RCL1: variants seen among roughly 807,000 people sequenced by gnomAD.
The protein encoded by RCL1 is RNA 3'-terminal phosphate cyclase-like protein.
A neutral mutation model predicts 42.4 loss-of-function variants in RCL1; 24 were observed. The ratio of observed to expected loss-of-function variants is 0.57; its 90% confidence interval spans 0.41 to 0.80. The LOEUF is 0.80. Ranked by LOEUF, RCL1 falls within the 30% of genes least tolerant of loss-of-function variation. RCL1 has a pLI of 0.00. For synonymous variants in RCL1, 228 were observed against 177.3 expected (o/e 1.29, Z -2.27); for missense variants, 578 against 467.9 (o/e 1.24, Z -2.17).
intron 8 of RCL1, among the ~76,000 whole-genome samples, chr9:4,853,324 CTTT>C (rs33973400): frequency 5.2e-5 from 7 of 135,002 alleles, no homozygotes; most frequent in Admixed American, 1.5e-4. Context: ...CCACTGTGCT[CTTT>C]TTTTTTTTTT....
At chr9:4,816,412 T>C (rs1193655543) in intron 1 of RCL1, among the ~76,000 whole-genome samples, 1 of 152,222 alleles carries the variant, frequency 6.6e-6, no homozygotes, top group African/African-American at 2.4e-5. Context: ...TGTTTTAAAA[T>C]ATAAACTCTG....
intron 1 of RCL1, among the ~76,000 whole-genome samples, chr9:4,816,319 C>G: frequency 6.6e-6 from 1 of 152,274 alleles, no homozygotes; most frequent in South Asian, 2.1e-4. Flanking sequence ...ATAAACAATA[C>G]TTCATAGTTT....
chr9:4,805,584 G>A (rs1323900568), intron 1 of RCL1, among the ~76,000 whole-genome samples: 1 of 152,206 alleles, frequency 6.6e-6, no homozygotes, highest in Non-Finnish European at 1.5e-5. Context: ...AGTAGGTCAA[G>A]TGGCCAGCCT....
chr9:4,801,506 A>G (rs931092306), intron 1 of RCL1, among the ~76,000 whole-genome samples: 1 of 152,134 alleles, frequency 6.6e-6, no homozygotes, highest in African/African-American at 2.4e-5. Flanking sequence ...AGACTACTTT[A>G]TATATGCTAG....
chr9:4,842,930 A>G (rs1462743380), intron 6 of RCL1, among the ~76,000 whole-genome samples: 1 of 152,186 alleles, frequency 6.6e-6, no homozygotes, highest in Non-Finnish European at 1.5e-5. Flanking sequence ...ACCAGCTTAT[A>G]GTGTGGCTTT....
intron 1 of RCL1, among the ~76,000 whole-genome samples, chr9:4,794,337 C>T (rs1170248091): frequency 6.6e-6 from 1 of 152,144 alleles, no homozygotes; most frequent in East Asian, 1.9e-4. Context: ...CAGAATATCC[C>T]AGGTACAGTG....
intron 7 of RCL1, 107 bp downstream of exon 7, chr9:4,844,788 G>A (rs1377973734): frequency 2.6e-6 from 3 of 1,134,212 alleles, no homozygotes; most frequent in East Asian, 4.8e-5. Context: ...AAGCCAAGGA[G>A]ATAATCTGTT....
At position 4,844,387 on chromosome 9, in the gene RCL1, A is replaced by G. The variant is rs560376336; in HGVS notation, c.711-138A>G. The G allele has an allele frequency of 9.9e-6, 6 of 607,458 alleles. No individual in the cohort carries two copies. In the East Asian group the frequency reaches 1.2e-4, roughly 12 times the overall value. The allele number at this position is 607,458 out of a possible 1,614,324, so 37.6% of individuals were successfully genotyped here. Reference sequence around the variant, plus strand: ...CAGCTAGTAAACTAGTAGCAACTCTATGAGGTTAATGCAGCCAGAAAGAAG... The same window carrying G: ...CAGCTAGTAAACTAGTAGCAACTCTGTGAGGTTAATGCAGCCAGAAAGAAG... On this transcript the variant is annotated intron_variant, in intron 6 of 8. Transcript: ENST00000381750.
At chr9:4,857,770 A>G (rs1056228873) in intron 8 of RCL1, among the ~76,000 whole-genome samples, 1 of 151,988 alleles carries the variant, frequency 6.6e-6, no homozygotes, top group African/African-American at 2.4e-5. Flanking sequence ...CCTCACCCAC[A>G]CTTTTGTTAT....
At chr9:4,823,350 T>TACC (rs1470560146) in intron 1 of RCL1, among the ~76,000 whole-genome samples, 198 bp from the exon 2 acceptor site, 1 of 150,686 alleles carries the variant, frequency 6.6e-6, no homozygotes, top group Non-Finnish European at 1.5e-5. Flanking sequence ...AACATATATG[T>TACC]ACCAGTCAGT....
At chr9:4,823,719 C>A (rs1179863874) in intron 2 of RCL1, 100 bp downstream of exon 2, 1 of 749,210 alleles carries the variant, frequency 1.3e-6, no homozygotes, top group Non-Finnish European at 2.2e-6. Flanking sequence ...TCAGTCTCTG[C>A]TTATCCAAAT....
chr9:4,805,602 C>CT (rs1208742175), intron 1 of RCL1, among the ~76,000 whole-genome samples: 14 of 152,344 alleles, frequency 9.2e-5, no homozygotes, highest in African/African-American at 3.4e-4. Context: ...CCTGTACTCT[C>CT]TTTGACTCAT....
At chr9:4,818,022 G>T (rs1407197127) in intron 1 of RCL1, among the ~76,000 whole-genome samples, 16 of 142,992 alleles carry the variant, frequency 1.1e-4, no homozygotes, top group Admixed American at 1.0e-3. Flanking sequence ...CTAGGTTCAA[G>T]CTATTCTCCT....
At chr9:4,827,329 G>T in intron 3 of RCL1, 2 of 1,159,142 alleles carry the variant, frequency 1.7e-6, no homozygotes, top group Non-Finnish European at 2.4e-6. Context: ...AGTTCTGCTG[G>T]CTGTATATGT....
intron 1 of RCL1, among the ~76,000 whole-genome samples, chr9:4,821,548 C>CTAG (rs1397170758): frequency 2.0e-5 from 3 of 152,180 alleles, no homozygotes; most frequent in Non-Finnish European, 4.4e-5. Context: ...TATCAAGGTG[C>CTAG]TAGTATCTGG....
Position 4,802,349 on chromosome 9 carries a change from T to C in RCL1, c.136+9122T>C, listed in dbSNP as rs1365427399. Among the ~76,000 whole-genome samples, 3 of 152,190 alleles carry C rather than the reference T, an allele frequency of 2.0e-5. No individual in the cohort carries two copies. In the East Asian group the frequency reaches 5.8e-4, roughly 29 times the overall value. ...TTATTCTAGTTCCTTTGCCTTTCAA[T>C]ATAAATTTTAGAATAATCTTGTCTA... On this transcript the variant is annotated intron_variant, in intron 1 of 8. Transcript: ENST00000381750.
At chr9:4,794,542 C>G (rs1345417445) in intron 1 of RCL1, among the ~76,000 whole-genome samples, 1 of 152,178 alleles carries the variant, frequency 6.6e-6, no homozygotes, top group Non-Finnish European at 1.5e-5. Flanking sequence ...TCTCAGCCAG[C>G]TCTCCATCCA....
At chr9:4,833,406 G>T (rs1247795535) in intron 4 of RCL1, among the ~76,000 whole-genome samples, 178 bp downstream of exon 4, 3 of 152,204 alleles carry the variant, frequency 2.0e-5, no homozygotes, top group Non-Finnish European at 4.4e-5. Flanking sequence ...GGACCCTTTA[G>T]TAATAACAAT....
intron 8 of RCL1, 69 bp from the exon 9 acceptor site, chr9:4,860,056 G>C (rs896131150): frequency 9.0e-7 from 1 of 1,114,262 alleles, no homozygotes; most frequent in Non-Finnish European, 1.2e-6. Context: ...TTGGATTCTA[G>C]GTGGTAGAGG....
Sources: gnomAD v4.1 joint callset for allele counts (sites outside exome capture counted in the v4.1 genomes callset) on GRCh38, gnomAD v4.1.1 for gene constraint, MANE v1.5 for transcripts, NCBI Gene and HGNC (gene_info 2026-07-23, HGNC 2026-07-21) for gene names.